The following MOK variants were observed in gnomAD, a reference collection of about 807,000 sequenced individuals.
MOK encodes MOK protein kinase.
A neutral mutation model predicts 54.2 loss-of-function variants in MOK; 59 were observed. The observed-to-expected ratio is 1.09, with a 90% confidence interval of 0.88 to 1.35. MOK has a LOEUF of 1.35. Among genes scored for constraint, MOK ranks in the 40% most tolerant of loss-of-function variants. The probability of loss-of-function intolerance (pLI) is 0.00; values close to 1 mark genes in which losing one functional copy is unlikely to be tolerated. For synonymous variants in MOK, 210 were observed against 202.7 expected, an observed-to-expected ratio of 1.04 and a Z score of -0.31; for missense variants, 517 against 526.2, an observed-to-expected ratio of 0.98 and a Z score of 0.17.
At chr14:102,256,724 TA>T (rs11298006) in intron 4 of MOK, among the ~76,000 whole-genome samples, 35,433 of 135,636 alleles carry the variant, frequency 0.26, 6,971 homozygotes, top group African/African-American at 0.57. Flanking sequence ...TTGAAACAGT[TA>T]AAAAAAAAAA....
rs2065389847 is a variant in MOK at position 102,238,194 on chromosome 14, TG to T, written c.591-4406del. On this transcript the variant is annotated intron_variant, in intron 7 of 11. Transcript: ENST00000361847. The surrounding 1 kb of genome is among the most constrained non-coding windows in gnomAD (Gnocchi z 4.8). ...CCCCCAAAATTGCTGGGTATGCAGT[TG>T]TTTCCCTTGACCGAGTAATTGAAGC... The T allele has an allele frequency of 6.6e-6, 1 of 152,248 alleles. No homozygotes were observed. The highest frequency in any genetic ancestry group is 2.1e-4 in the South Asian group (1 of 4,832). The allele number at this position is 152,248 out of a possible 1,614,324, so 9.4% of individuals were successfully genotyped here. A position where few individuals can be genotyped will look rare whatever the true frequency, so the allele number is the denominator to read the frequency against.
intron 8 of MOK, chr14:102,233,136 A>G (rs1394869193): frequency 6.5e-6 from 1 of 154,978 alleles, no homozygotes; most frequent in African/African-American, 2.4e-5. Context: ...AATGAAATAA[A>G]ATTTAACAAA....
Position 102,236,902 on chromosome 14 carries a change from A to C in MOK, c.591-3113T>G, listed in dbSNP as rs1227086639. The stretch of plus-strand genomic sequence containing the variant: ...TTAAAAAATCAGACGGCTCATACCG[A>C]CTCCTGCAAGACCTCCGAGCCATCA... On this transcript the variant is annotated intron_variant, in intron 7 of 11. Coordinates refer to ENST00000361847, the MANE Select transcript of MOK (RefSeq NM_014226.3). The surrounding 1 kb of genome is among the most constrained non-coding windows in gnomAD (Gnocchi z 4.5). Among the ~76,000 whole-genome samples, 3 of 151,720 alleles carry C rather than the reference A, an allele frequency of 2.0e-5. No individual in the cohort carries two copies. Among genetic ancestry groups the C allele is most frequent in the African/African-American group, 7.3e-5 (3 of 41,272 alleles).
chr14:102,295,297 TATTAAG>T (rs2071310734), intron 1 of MOK, among the ~76,000 whole-genome samples: 1 of 152,248 alleles, frequency 6.6e-6, no homozygotes, highest in South Asian at 2.1e-4. Context: ...AATACCTCTG[TATTAAG>T]ATTCTATGCA....
intron 2 of MOK, among the ~76,000 whole-genome samples, chr14:102,270,682 T>C (rs1236939643): frequency 6.6e-6 from 1 of 151,974 alleles, no homozygotes; most frequent in Non-Finnish European, 1.5e-5. Context: ...GTAAACAAAT[T>C]CCTCAAAAAA....
the MOK span, chr14:102,215,075 GT>G: frequency 2.4e-6 from 2 of 837,616 alleles, no homozygotes; most frequent in Non-Finnish European, 2.9e-6. Flanking sequence ...AACCAGAAAA[GT>G]TTTTAAATGC....
chr14:102,224,640 T>C (rs755340137), downstream of MOK: 2 of 455,970 alleles, frequency 4.4e-6, no homozygotes, highest in South Asian at 1.5e-5. Context: ...ACCATTTGTA[T>C]GAATGCAGCC....
chr14:102,271,715 C>T (rs1228030052), intron 2 of MOK, among the ~76,000 whole-genome samples: 2 of 152,068 alleles, frequency 1.3e-5, no homozygotes, highest in African/African-American at 4.8e-5. Context: ...TGCACTACCA[C>T]GCCCACCTAA....
At chr14:102,218,832 T>C in the MOK span, among the ~76,000 whole-genome samples, 1 of 152,222 alleles carries the variant, frequency 6.6e-6, no homozygotes, top group Non-Finnish European at 1.5e-5. Flanking sequence ...TGGTAAAGCC[T>C]GGAATTGCCA....
intron 1 of MOK, among the ~76,000 whole-genome samples, chr14:102,300,211 C>G (rs2072008845): frequency 6.6e-6 from 1 of 150,828 alleles, no homozygotes; most frequent in Non-Finnish European, 1.5e-5. Context: ...GTAATCCCAG[C>G]TATTTGGGAA....
rs2065231475 is a variant in MOK, at chr14:102,236,449, T to C, written c.591-2660A>G. ...CCAGACCCCTTACTTGCTCTCTGTT[T>C]GATACTGTTTTCCCACACTCTTTCC... On this transcript the variant is annotated intron_variant, in intron 7 of 11. Transcript: ENST00000361847. The surrounding 1 kb of genome is among the most constrained non-coding windows in gnomAD (Gnocchi z 4.5). Among the ~76,000 whole-genome samples, 1 of 152,206 alleles carries C rather than the reference T, an allele frequency of 6.6e-6. No homozygotes were observed. Among genetic ancestry groups the C allele is most frequent in the East Asian group, 1.9e-4 (1 of 5,192 alleles).
At chr14:102,219,394 G>A in the MOK span, among the ~76,000 whole-genome samples, 4 of 152,198 alleles carry the variant, frequency 2.6e-5, no homozygotes, top group Non-Finnish European at 5.9e-5. Context: ...CTGCCACCCG[G>A]AGTGCTGTGT....
At position 102,245,100 on chromosome 14, in the gene MOK, T is replaced by C. The variant is rs779865993; in HGVS notation, c.590+5712A>G. ...AATACCTGTTTTTCTCCTTCTCTTA[T>C]TTGGACCTTGTGTCTTCCGTTTAGC... is the stretch of plus-strand genomic sequence containing the variant. On this transcript the variant is annotated intron_variant, in intron 7 of 11. Coordinates refer to ENST00000361847, the MANE Select transcript of MOK (RefSeq NM_014226.3). This position sits in a 1 kb window ranked among gnomAD's most constrained non-coding sequence, Gnocchi z 4.3. 2.0e-5 allele frequency among the ~76,000 whole-genome samples: 3 copies of C among 152,152 alleles called. No homozygotes were observed. Among genetic ancestry groups the C allele is most frequent in the Non-Finnish European group, 4.4e-5 (3 of 68,024 alleles).
At chr14:102,291,957 C>CAA (rs36041386) in intron 1 of MOK, among the ~76,000 whole-genome samples, 1,698 of 133,652 alleles carry the variant, frequency 0.013, 13 homozygotes, top group Middle Eastern at 0.045. Flanking sequence ...AACTCTGTCT[C>CAA]AAAAAAAAAA....
chr14:102,217,379 C>T, the MOK span, among the ~76,000 whole-genome samples: 2 of 152,182 alleles, frequency 1.3e-5, no homozygotes, highest in Non-Finnish European at 2.9e-5. Flanking sequence ...CCTTCATCTG[C>T]GTGGTCTTTC....
intron 1 of MOK, among the ~76,000 whole-genome samples, chr14:102,292,050 A>C (rs1437121817): frequency 6.6e-6 from 1 of 152,122 alleles, no homozygotes; most frequent in Non-Finnish European, 1.5e-5. Context: ...CACAAATATC[A>C]TTAAGACGTA....
At chr14:102,217,739 T>C in the MOK span, among the ~76,000 whole-genome samples, 5 of 152,228 alleles carry the variant, frequency 3.3e-5, no homozygotes, top group African/African-American at 9.6e-5. Context: ...GTGGTCTGTG[T>C]AGTGAGAATG....
chr14:102,301,522 C>A (rs902006272), intron 1 of MOK, among the ~76,000 whole-genome samples: 1 of 152,178 alleles, frequency 6.6e-6, no homozygotes, highest in African/African-American at 2.4e-5. Context: ...CTGTAATAAT[C>A]TAGCATTCCC....
intron 1 of MOK, among the ~76,000 whole-genome samples, chr14:102,286,155 C>T (rs1407507175): frequency 6.6e-6 from 1 of 151,252 alleles, no homozygotes; most frequent in Non-Finnish European, 1.5e-5. Flanking sequence ...AAAAATTAGC[C>T]GGGCGTGGTG....
Sources: gnomAD v4.1 joint callset for allele counts (sites outside exome capture counted in the v4.1 genomes callset) on GRCh38, gnomAD v4.1.1 for gene constraint, Gnocchi (gnomAD v3.1) non-coding constraint, MANE v1.5 for transcripts, NCBI Gene and HGNC (gene_info 2026-07-23, HGNC 2026-07-21) for gene names.